MARCHF11: variants seen among roughly 807,000 people sequenced by gnomAD.
MARCHF11 encodes E3 ubiquitin-protein ligase MARCHF11.
Under a neutral mutation model 37.3 loss-of-function variants are expected in MARCHF11, and 29 were observed. The observed-to-expected ratio is 0.78, with a 90% confidence interval of 0.58 to 1.06. MARCHF11 has a LOEUF of 1.06. Among genes scored for constraint, MARCHF11 ranks in the 50% least tolerant of loss-of-function variants. The pLI is 0.00. For missense variants in MARCHF11, 482 were observed against 533.4 expected (o/e 0.90, Z 0.95); for synonymous variants, 233 against 228.0 (o/e 1.02, Z -0.20).
At chr5:16,138,218 G>T (rs1188927100) in intron 2 of MARCHF11, among the ~76,000 whole-genome samples, 3 of 152,168 alleles carry the variant, frequency 2.0e-5, no homozygotes, top group Non-Finnish European at 4.4e-5. Context: ...GGTTACATCA[G>T]CGGAGCTCAG....
intron 2 of MARCHF11, among the ~76,000 whole-genome samples, chr5:16,166,537 C>T (rs1316323681): frequency 6.6e-6 from 1 of 151,586 alleles, no homozygotes; most frequent in African/African-American, 2.4e-5. Context: ...TTTCTATCAA[C>T]ACAGAAATGG....
intron 2 of MARCHF11, among the ~76,000 whole-genome samples, chr5:16,131,975 A>T (rs1297371917): frequency 6.6e-6 from 1 of 152,226 alleles, no homozygotes; most frequent in Non-Finnish European, 1.5e-5. Flanking sequence ...AAAGGAAAGC[A>T]GTGAAGAAGC....
At chr5:16,143,545 A>G (rs1359786341) in intron 2 of MARCHF11, among the ~76,000 whole-genome samples, 1 of 152,248 alleles carries the variant, frequency 6.6e-6, no homozygotes, top group Non-Finnish European at 1.5e-5. Flanking sequence ...TTAGTGTAAC[A>G]GCTAATCTGA....
chr5:16,175,440 A>G (rs2126612274), intron 2 of MARCHF11, among the ~76,000 whole-genome samples: 1 of 152,264 alleles, frequency 6.6e-6, no homozygotes, highest in East Asian at 1.9e-4. Context: ...CACACTTTCC[A>G]ACAGGGCGGC....
At chr5:16,069,496 A>G (rs900189491) in intron 3 of MARCHF11, among the ~76,000 whole-genome samples, 1 of 152,196 alleles carries the variant, frequency 6.6e-6, no homozygotes, top group African/African-American at 2.4e-5. Context: ...TGGTGACTGA[A>G]TAATTCAAAA....
intron 3 of MARCHF11, among the ~76,000 whole-genome samples, chr5:16,069,922 G>A (rs959443591): frequency 6.6e-6 from 1 of 152,090 alleles, no homozygotes; most frequent in African/African-American, 2.4e-5. Flanking sequence ...TCCCTTACCA[G>A]GAGGTAAAGA....
chr5:16,120,538 A>G (rs1737293145), intron 2 of MARCHF11, among the ~76,000 whole-genome samples: 2 of 152,218 alleles, frequency 1.3e-5, no homozygotes, highest in Non-Finnish European at 2.9e-5. Flanking sequence ...TATATTTACA[A>G]TGGATATTCT....
intron 3 of MARCHF11, among the ~76,000 whole-genome samples, chr5:16,072,143 G>C (rs1313541449): frequency 6.6e-6 from 1 of 152,066 alleles, no homozygotes; most frequent in Non-Finnish European, 1.5e-5. Flanking sequence ...TTACAGTTGA[G>C]AAAATTCAGA....
intron 2 of MARCHF11, among the ~76,000 whole-genome samples, chr5:16,098,478 G>C (rs1247612321): frequency 6.6e-6 from 1 of 152,092 alleles, no homozygotes; most frequent in Non-Finnish European, 1.5e-5. Flanking sequence ...CAAAATACAA[G>C]ATAACAGGCA....
intron 2 of MARCHF11, among the ~76,000 whole-genome samples, chr5:16,139,272 T>G (rs1024888473): frequency 6.6e-6 from 1 of 152,136 alleles, no homozygotes; most frequent in South Asian, 2.1e-4. Context: ...TCTCATGAGA[T>G]CTGATGGTTT....
At chr5:16,102,920 C>T (rs1284344542) in intron 2 of MARCHF11, among the ~76,000 whole-genome samples, 3 of 152,178 alleles carry the variant, frequency 2.0e-5, no homozygotes, top group Non-Finnish European at 2.9e-5. Context: ...AAGGGAGCCA[C>T]CCTTTCACAA....
At chr5:16,071,303 T>A (rs1211344807) in intron 3 of MARCHF11, among the ~76,000 whole-genome samples, 2 of 152,218 alleles carry the variant, frequency 1.3e-5, no homozygotes, top group African/African-American at 4.8e-5. Context: ...ATGTGATTCA[T>A]GAGACTTTAA....
Position 16,132,989 on chromosome 5 carries a change from A to C in MARCHF11, c.694-41908T>G, listed in dbSNP as rs542052780. On this transcript the variant is annotated intron_variant, in intron 2 of 3. Transcript: ENST00000332432. ...TAGTGAAGGAAATCTTCATGTACTT[A>C]ATCAGAGTAAAATTAATTTTAAAAA... is the stretch of plus-strand genomic sequence containing the variant. Among the ~76,000 whole-genome samples the C allele has an allele frequency of 3.3e-5, 5 of 152,352 alleles. No individual in the cohort carries two copies. The South Asian group carries it at 8.3e-4, about 25-fold the overall frequency.
At chr5:16,146,008 C>A (rs1737790165) in intron 2 of MARCHF11, among the ~76,000 whole-genome samples, 1 of 152,172 alleles carries the variant, frequency 6.6e-6, no homozygotes, top group African/African-American at 2.4e-5. Flanking sequence ...TCACAAATTC[C>A]ATAAATGGAG....
At chr5:16,093,510 C>T (rs1365623931) in intron 2 of MARCHF11, among the ~76,000 whole-genome samples, 1 of 151,972 alleles carries the variant, frequency 6.6e-6, no homozygotes, top group Non-Finnish European at 1.5e-5. Flanking sequence ...TTTCCTGGGA[C>T]CCAGGAAATC....
intron 3 of MARCHF11, among the ~76,000 whole-genome samples, chr5:16,073,384 A>G (rs1560966677): frequency 6.6e-6 from 1 of 152,178 alleles, no homozygotes; most frequent in East Asian, 1.9e-4. Flanking sequence ...TTAAATGTCC[A>G]GGAGTTGTGG....
chr5:16,106,763 T>C (rs888658572), intron 2 of MARCHF11, among the ~76,000 whole-genome samples: 43 of 152,252 alleles, frequency 2.8e-4, no homozygotes, highest in African/African-American at 1.0e-3. Context: ...CTGATAAACA[T>C]CCTACGATGG....
rs557323545 is a variant in MARCHF11 at position 16,172,242 on chromosome 5, T to C, written c.693+5484A>G. Among the ~76,000 whole-genome samples, 5 of 152,294 alleles carry C rather than the reference T, an allele frequency of 3.3e-5. No individual in the cohort carries two copies. In the South Asian group the frequency reaches 8.3e-4, roughly 25 times the overall value. On this transcript the variant is annotated intron_variant, in intron 2 of 3. Coordinates refer to ENST00000332432, the MANE Select transcript of MARCHF11 (RefSeq NM_001102562.3). ...TCAGCAGAAAATCATTCATTTCTCC[T>C]AGTGAGTAAAATACGGATTCTTATG...
intron 3 of MARCHF11, among the ~76,000 whole-genome samples, chr5:16,084,072 A>G (rs1736654476): frequency 1.3e-5 from 2 of 152,204 alleles, no homozygotes; most frequent in African/African-American, 4.8e-5. Flanking sequence ...ATTACGTGAA[A>G]CTTTTAGCTA....
Sources: gnomAD v4.1 joint callset for allele counts (sites outside exome capture counted in the v4.1 genomes callset) on GRCh38, gnomAD v4.1.1 for gene constraint, MANE v1.5 for transcripts, NCBI Gene and HGNC (gene_info 2026-07-23, HGNC 2026-07-21) for gene names.